The following THSD7B variants were observed in gnomAD, a reference collection of about 807,000 sequenced individuals.
THSD7B encodes thrombospondin type-1 domain-containing protein 7B.
In THSD7B, 138 loss-of-function variants were observed where a neutral mutation model predicts 213.6. That is an observed-to-expected ratio of 0.65 (90% confidence interval 0.56 to 0.74). The LOEUF is 0.74. Ranked by LOEUF, THSD7B falls within the 30% of genes least tolerant of loss-of-function variation. The pLI is 0.00. For missense variants in THSD7B, 1,931 were observed against 1,991.5 expected, an observed-to-expected ratio of 0.97 and a Z score of 0.58; for synonymous variants, 742 against 687.0, an observed-to-expected ratio of 1.08 and a Z score of -1.25.
rs558941345 is a variant in THSD7B, at chr2:137,306,363, G to A, written c.2500+30337G>A. On this transcript the variant is annotated intron_variant, in intron 12 of 27. Transcript: ENST00000409968. Reference sequence around the variant, plus strand: ...ATTCTAGGAACTGTAATTTAAACTAGCCAGGTTGACACATTATAAAACCAT... The same window carrying A: ...ATTCTAGGAACTGTAATTTAAACTAACCAGGTTGACACATTATAAAACCAT... Among the ~76,000 whole-genome samples the A allele has an allele frequency of 5.3e-5, 8 of 152,182 alleles. No individual in the cohort carries two copies. The East Asian group carries it at 1.5e-3, about 29-fold the overall frequency.
intron 10 of THSD7B, among the ~76,000 whole-genome samples, chr2:137,245,358 C>T (rs1682002915): frequency 6.6e-6 from 1 of 152,148 alleles, no homozygotes; most frequent in South Asian, 2.1e-4. Flanking sequence ...CTTAGACCAC[C>T]TCCTGACACT....
chr2:137,270,172 A>G (rs1242316973), intron 10 of THSD7B, among the ~76,000 whole-genome samples: 2 of 151,904 alleles, frequency 1.3e-5, no homozygotes, highest in Non-Finnish European at 2.9e-5. Context: ...GGCAATACAG[A>G]GATGGAATCT....
chr2:137,223,597 A>G (rs531368442), intron 7 of THSD7B, among the ~76,000 whole-genome samples: 1 of 152,320 alleles, frequency 6.6e-6, no homozygotes, highest in South Asian at 2.1e-4. Context: ...TAGGAACAAA[A>G]AAAGCCAACA....
intron 10 of THSD7B, among the ~76,000 whole-genome samples, chr2:137,257,943 A>G (rs1018671386): frequency 1.3e-5 from 2 of 152,140 alleles, no homozygotes; most frequent in African/African-American, 2.4e-5. Context: ...CTGTGTCTCC[A>G]TTTTCTTACC....
chr2:137,643,088 T>C (rs1682968580), intron 21 of THSD7B, among the ~76,000 whole-genome samples: 1 of 152,230 alleles, frequency 6.6e-6, no homozygotes, highest in African/African-American at 2.4e-5. Flanking sequence ...TGAAGTTATA[T>C]TTTAACATTA....
intron 2 of THSD7B, among the ~76,000 whole-genome samples, chr2:137,048,306 C>A (rs546543918): frequency 6.6e-6 from 1 of 151,894 alleles, no homozygotes; most frequent in South Asian, 2.1e-4. Flanking sequence ...TTTTACAGAC[C>A]AGAGTCTCAC....
intron 10 of THSD7B, among the ~76,000 whole-genome samples, chr2:137,254,121 T>C (rs1461608575): frequency 1.3e-5 from 2 of 152,200 alleles, no homozygotes; most frequent in African/African-American, 4.8e-5. Flanking sequence ...AAATCAGCCC[T>C]GGATAGTCTG....
At chr2:137,144,729 A>T (rs1377821507) in intron 5 of THSD7B, among the ~76,000 whole-genome samples, 1 of 152,022 alleles carries the variant, frequency 6.6e-6, no homozygotes, top group Non-Finnish European at 1.5e-5. Flanking sequence ...TGGGAAGGAG[A>T]AAAAAATATC....
chr2:137,563,157 A>G, intron 15 of THSD7B, 64 bp from the exon 16 acceptor site: 1 of 1,550,806 alleles, frequency 6.4e-7, no homozygotes, highest in Non-Finnish European at 8.8e-7. Context: ...TTACTAAAAG[A>G]TAGGCTATTT....
chr2:137,185,888 C>T (rs1205015292), intron 7 of THSD7B, among the ~76,000 whole-genome samples: 2 of 152,178 alleles, frequency 1.3e-5, no homozygotes, highest in Non-Finnish European at 2.9e-5. Context: ...TTCTCTACGG[C>T]CTTGCCAGCA....
intron 15 of THSD7B, among the ~76,000 whole-genome samples, chr2:137,491,159 A>G (rs1450859180): frequency 5.9e-5 from 9 of 152,248 alleles, no homozygotes; most frequent in Non-Finnish European, 1.2e-4. Flanking sequence ...CTCTTAACCA[A>G]ACAAAGATTG....
chr2:136,969,827 C>G (rs1227293315), intron 2 of THSD7B, among the ~76,000 whole-genome samples: 1 of 152,136 alleles, frequency 6.6e-6, no homozygotes, highest in Non-Finnish European at 1.5e-5. Context: ...CACCTGTTGA[C>G]AAGCTTCCAA....
intron 9 of THSD7B, among the ~76,000 whole-genome samples, chr2:137,233,999 G>A (rs1462137853): frequency 6.6e-6 from 1 of 152,130 alleles, no homozygotes; most frequent in East Asian, 1.9e-4. Context: ...CATAAGCTAG[G>A]CAACATACAG....
intron 20 of THSD7B, among the ~76,000 whole-genome samples, chr2:137,624,453 G>A (rs1236254448): frequency 6.6e-6 from 1 of 152,142 alleles, no homozygotes; most frequent in Non-Finnish European, 1.5e-5. Context: ...AAAAACAATG[G>A]CAACAAAAGT....
At chr2:137,426,496 GA>G (rs1687058536) in intron 14 of THSD7B, among the ~76,000 whole-genome samples, 1 of 152,008 alleles carries the variant, frequency 6.6e-6, no homozygotes, top group African/African-American at 2.4e-5. Context: ...TAAATCAATG[GA>G]ACAGAATATA....
chr2:137,517,178 T>C (rs1482939535), intron 15 of THSD7B, among the ~76,000 whole-genome samples: 3 of 152,246 alleles, frequency 2.0e-5, no homozygotes, highest in Non-Finnish European at 2.9e-5. Flanking sequence ...AGGCCAGCAA[T>C]ATACCTTTAC....
chr2:137,070,221 G>C (rs1057051212), intron 3 of THSD7B, among the ~76,000 whole-genome samples: 30 of 151,426 alleles, frequency 2.0e-4, no homozygotes, highest in Non-Finnish European at 1.2e-4. Flanking sequence ...TAATCCTTTT[G>C]AATTTTTTTT....
intron 7 of THSD7B, among the ~76,000 whole-genome samples, chr2:137,188,674 T>C (rs149762541): frequency 3.3e-5 from 5 of 152,168 alleles, no homozygotes; most frequent in African/African-American, 7.2e-5. Context: ...CTTTGTGGAA[T>C]TGTTTTCCTA....
At chr2:137,491,166 A>G (rs916515563) in intron 15 of THSD7B, among the ~76,000 whole-genome samples, 1 of 152,194 alleles carries the variant, frequency 6.6e-6, no homozygotes, top group Non-Finnish European at 1.5e-5. Flanking sequence ...CCAAACAAAG[A>G]TTGGCTTTTT....
Sources: gnomAD v4.1 joint callset for allele counts (sites outside exome capture counted in the v4.1 genomes callset) on GRCh38, gnomAD v4.1.1 for gene constraint, MANE v1.5 for transcripts, NCBI Gene and HGNC (gene_info 2026-07-23, HGNC 2026-07-21) for gene names.